Variants in MED16 observed in about 807,000 individuals in gnomAD.
MED16 encodes mediator of RNA polymerase II transcription subunit 16.
MED16 carries 81 observed loss-of-function variants against 84.4 expected under a neutral mutation model. That is an observed-to-expected ratio of 0.96 (90% CI 0.80 to 1.15). MED16 has a LOEUF of 1.15. Ranked by LOEUF, MED16 falls within the 50% of genes most tolerant of loss-of-function variation. MED16 has a pLI of 0.00. For synonymous variants in MED16, 897 were observed against 552.2 expected (o/e 1.62, Z -8.76); for missense variants, 1,585 against 1,245.9 (o/e 1.27, Z -4.10).
At position 876,963 on chromosome 19, in the gene MED16, C is replaced by T. The variant is rs756227651; in HGVS notation, c.1560+11G>A. On this transcript the variant is annotated intron_variant, in intron 9 of 15. Transcript: ENST00000325464. ...ACCTGCCACGGGGCCCCACCTGCCACGGGCCCCCACCTGCTGCAGGGCAGC... is the reference window on the plus strand; with the variant it reads ...ACCTGCCACGGGGCCCCACCTGCCATGGGCCCCCACCTGCTGCAGGGCAGC... 1.2e-5 allele frequency: 19 copies of T among 1,600,130 alleles called. No homozygotes were observed. The South Asian group carries it at 1.2e-4, about 10-fold the overall frequency.
intron 8 of MED16, among the ~76,000 whole-genome samples, chr19:879,611 GCCC>G (rs2036365147): frequency 1.0e-4 from 11 of 109,060 alleles, no homozygotes; most frequent in Non-Finnish European, 1.8e-4. Context: ...GGTTGTCAAT[GCCC>G]CCCAAGCCCA....
chr19:889,856 A>G, intron 3 of MED16, 49 bp from the exon 4 acceptor site: 2 of 1,558,496 alleles, frequency 1.3e-6, no homozygotes, highest in Non-Finnish European at 1.7e-6. Context: ...TGGGCAGAGC[A>G]CTGCGTTGCA....
chr19:874,219 T>C (rs1008776033), intron 10 of MED16, among the ~76,000 whole-genome samples: 1 of 152,008 alleles, frequency 6.6e-6, no homozygotes, highest in Non-Finnish European at 1.5e-5. Flanking sequence ...GTTCACGCCA[T>C]TCTCCTGCCT....
Position 889,626 on chromosome 19 carries a change from C to T in MED16, c.447+12G>A. ...CATCTGCCTCATCCGCTCACTCGGG[C>T]AGGACACTCACCTTCTCCACGTGCA... On this transcript the variant is annotated intron_variant, in intron 4 of 15. Coordinates refer to ENST00000325464, the MANE Select transcript of MED16 (RefSeq NM_005481.3). 1 of 1,602,920 alleles carries T rather than the reference C, an allele frequency of 6.2e-7. No individual in the cohort carries two copies. The highest frequency in any genetic ancestry group is 8.5e-7 in the Non-Finnish European group (1 of 1,171,542).
chr19:869,980 C>G (rs2036006826), intron 13 of MED16, among the ~76,000 whole-genome samples: 1 of 152,206 alleles, frequency 6.6e-6, no homozygotes, highest in African/African-American at 2.4e-5. Context: ...CAAGGTCCCA[C>G]CTCACAGGGC....
chr19:872,539 G>T (rs975287073), intron 11 of MED16, among the ~76,000 whole-genome samples: 1 of 151,886 alleles, frequency 6.6e-6, no homozygotes, highest in Non-Finnish European at 1.5e-5. Context: ...AGAAGAGAGG[G>T]ACTTCAAACC....
At chr19:890,912 G>C (rs779657503) in intron 2 of MED16, 51 bp downstream of exon 2, 8 of 1,590,436 alleles carry the variant, frequency 5.0e-6, no homozygotes, top group Middle Eastern at 1.9e-4. Flanking sequence ...CTGGGGAACA[G>C]GGCGGGACAC....
intron 13 of MED16, among the ~76,000 whole-genome samples, chr19:870,254 C>A (rs2036014620): frequency 6.6e-6 from 1 of 152,164 alleles, no homozygotes; most frequent in African/African-American, 2.4e-5. Context: ...GCGAGGCCAA[C>A]ACACAATCAG....
intron 9 of MED16, among the ~76,000 whole-genome samples, chr19:875,679 G>C (rs2036214218): frequency 1.3e-5 from 2 of 152,218 alleles, no homozygotes; most frequent in Admixed American, 1.3e-4. Context: ...GCCTCTGGTG[G>C]GGGCCCCTGG....
chr19:870,453 G>C (rs12460696), intron 13 of MED16, among the ~76,000 whole-genome samples: 1 of 151,738 alleles, frequency 6.6e-6, no homozygotes, highest in African/African-American at 2.4e-5. Flanking sequence ...CCCAGCTACT[G>C]GGAAGGCTGA....
At chr19:878,115 A>C (rs113251487) in intron 8 of MED16, among the ~76,000 whole-genome samples, 2 of 35,322 alleles carry the variant, frequency 5.7e-5, no homozygotes, top group Admixed American at 3.7e-4. Context: ...TGCCCCAGCA[A>C]CTCACCTTCC....
chr19:876,948 G>C, intron 9 of MED16, 26 bp downstream of exon 9: 1 of 1,588,912 alleles, frequency 6.3e-7, no homozygotes, highest in Non-Finnish European at 8.6e-7. Context: ...ACCTGCCACG[G>C]GGCCCCACCT....
At chr19:881,827 C>G in intron 6 of MED16, 113 bp from the exon 7 acceptor site, 2 of 1,280,450 alleles carry the variant, frequency 1.6e-6, no homozygotes, top group East Asian at 2.4e-5. Flanking sequence ...CTTCCCAGGT[C>G]TCATGCCGCC....
At chr19:886,783 G>C (rs892215538) in intron 4 of MED16, among the ~76,000 whole-genome samples, 2 of 152,222 alleles carry the variant, frequency 1.3e-5, no homozygotes, top group African/African-American at 4.8e-5. Context: ...TCTTTTAAAA[G>C]ATGGGGTCTT....
At chr19:888,298 G>C (rs2036564119) in intron 4 of MED16, among the ~76,000 whole-genome samples, 1 of 152,080 alleles carries the variant, frequency 6.6e-6, no homozygotes, top group African/African-American at 2.4e-5. Context: ...GAGGCAGACG[G>C]ATCACCTGAG....
At chr19:874,760 C>T (rs2036188506) in intron 10 of MED16, among the ~76,000 whole-genome samples, 1 of 152,030 alleles carries the variant, frequency 6.6e-6, no homozygotes, top group African/African-American at 2.4e-5. Context: ...GTAATCCCAG[C>T]TACTCCAGAG....
chr19:874,830 A>C (rs2036190098), intron 10 of MED16, among the ~76,000 whole-genome samples: 2 of 152,016 alleles, frequency 1.3e-5, no homozygotes, highest in Admixed American at 1.3e-4. Context: ...GGACTGCGTC[A>C]CCGTGCTGCA....
chr19:867,998 CA>C lies in MED16; in HGVS notation c.*102del. The C allele has an allele frequency of 7.0e-7, 1 of 1,436,012 alleles. No homozygotes were observed. The highest frequency in any genetic ancestry group is 9.3e-7 in the Non-Finnish European group (1 of 1,079,890). The allele number at this position is 1,436,012 out of a possible 1,614,324, so 89.0% of individuals were successfully genotyped here. ...GGGCGTTTATTGGACCTGTCCTTCC[CA>C]GCCGCTGCTTGTCCAGGTTCAGCGC... On this transcript the variant is annotated 3_prime_UTR_variant, in exon 16 of 16. Coordinates refer to ENST00000325464, the MANE Select transcript of MED16 (RefSeq NM_005481.3).
At chr19:876,814 C>T (rs1233078894) in intron 9 of MED16, among the ~76,000 whole-genome samples, 160 bp downstream of exon 9, 1 of 152,020 alleles carries the variant, frequency 6.6e-6, no homozygotes, top group Non-Finnish European at 1.5e-5. Context: ...TGGCACTTTA[C>T]TGACCACGGG....
Sources: allele counts gnomAD v4.1 joint callset (sites outside exome capture counted in the v4.1 genomes callset), GRCh38; gene constraint gnomAD v4.1.1; transcripts MANE v1.5; gene names NCBI Gene and HGNC (gene_info 2026-07-23, HGNC 2026-07-21).